PI4K2B: variants seen among roughly 807,000 people sequenced by gnomAD.
PI4K2B encodes phosphatidylinositol 4-kinase type 2 beta.
PI4K2B carries 46 observed loss-of-function variants against 56.6 expected under a neutral mutation model. The observed-to-expected ratio is 0.81, with a 90% CI of 0.64 to 1.04. The LOEUF is 1.04. PI4K2B is among the 50% of genes least tolerant of loss of function. The pLI, the probability that PI4K2B is intolerant of heterozygous loss-of-function variation, is 0.00. For synonymous variants in PI4K2B, 211 were observed against 223.8 expected (o/e 0.94, Z 0.51); for missense variants, 556 against 607.7 (o/e 0.91, Z 0.89).
intron 1 of PI4K2B, among the ~76,000 whole-genome samples, chr4:25,236,477 C>CG (rs1400364600): frequency 6.6e-6 from 1 of 150,674 alleles, no homozygotes; most frequent in Non-Finnish European, 1.5e-5. Flanking sequence ...CTTCTGAACC[C>CG]GAGAGGTGTA....
intron 1 of PI4K2B, among the ~76,000 whole-genome samples, chr4:25,235,641 A>T (rs529061417): frequency 8.3e-4 from 127 of 152,370 alleles, no homozygotes; most frequent in Non-Finnish European, 8.5e-4. Context: ...AAACCAGATC[A>T]CAAACGGGTC....
At chr4:25,243,375 T>G (rs190891425) in intron 1 of PI4K2B, among the ~76,000 whole-genome samples, 23 of 152,332 alleles carry the variant, frequency 1.5e-4, no homozygotes, top group South Asian at 1.2e-3. Context: ...AGCATCCTAG[T>G]AAACCACACT....
intron 9 of PI4K2B, chr4:25,276,676 T>A (rs1717107051): frequency 1.0e-6 from 1 of 984,792 alleles, no homozygotes. Flanking sequence ...AGTTTTTATG[T>A]TAAATTGAAT....
At chr4:25,246,187 G>T (rs1450820688) in intron 1 of PI4K2B, among the ~76,000 whole-genome samples, 1 of 152,052 alleles carries the variant, frequency 6.6e-6, no homozygotes, top group Non-Finnish European at 1.5e-5. Context: ...AAGAGCGAAA[G>T]AACAAAGCTT....
intron 1 of PI4K2B, among the ~76,000 whole-genome samples, chr4:25,243,745 C>T (rs1009294882): frequency 4.6e-5 from 7 of 152,190 alleles, no homozygotes; most frequent in Non-Finnish European, 1.0e-4. Flanking sequence ...GATTTTCTTC[C>T]TTTCCCTGAG....
At chr4:25,268,663 A>G in intron 8 of PI4K2B, 87 bp downstream of exon 8, 1 of 852,036 alleles carries the variant, frequency 1.2e-6, no homozygotes, top group East Asian at 2.7e-5. Context: ...GCAATTTTCT[A>G]TTTCTTGTAT....
intron 4 of PI4K2B, 23 bp downstream of exon 4, chr4:25,256,697 A>G (rs1179118861): frequency 1.2e-6 from 2 of 1,608,628 alleles, no homozygotes; most frequent in Admixed American, 1.7e-5. Flanking sequence ...GATAAGCTGT[A>G]TTTAGAGGGC....
chr4:25,267,654 CAA>C, intron 7 of PI4K2B: 2 of 397,658 alleles, frequency 5.0e-6, no homozygotes, highest in East Asian at 3.2e-4. Flanking sequence ...ATGATCATGT[CAA>C]AAACCTTACA....
At position 25,234,263 on chromosome 4, in the gene PI4K2B, G is replaced by A; in HGVS notation, c.100G>A (p.Ala34Thr). The change falls in exon 1 of 10, where the codon GCC (alanine) becomes ACC (threonine). Residue 34 changes from alanine (A) to threonine (T), a missense_variant. Transcript: ENST00000264864. ...GEREPLLPRI[A>T]WAHPRRGAPG... ...GCGGGAGCCGCTGCTACCGCGGATC[G>A]CCTGGGCCCACCCGCGGAGAGGCGC... 8.4e-6 allele frequency: 12 copies of A among 1,425,692 alleles called. No individual in the cohort carries two copies. Among genetic ancestry groups the A allele is most frequent in the Non-Finnish European group, 1.1e-5 (12 of 1,087,224 alleles). The allele number at this position is 1,425,692 out of a possible 1,614,324, so 88.3% of individuals were successfully genotyped here.
chr4:25,258,175 A>G (rs1390298814), intron 4 of PI4K2B, among the ~76,000 whole-genome samples: 1 of 150,628 alleles, frequency 6.6e-6, no homozygotes, highest in Non-Finnish European at 1.5e-5. Context: ...TTAAAATTTA[A>G]GACTGGGTAT....
chr4:25,240,385 C>G (rs1715464131), intron 1 of PI4K2B, among the ~76,000 whole-genome samples: 2 of 152,156 alleles, frequency 1.3e-5, no homozygotes, highest in Non-Finnish European at 2.9e-5. Flanking sequence ...TTCTTGCAAA[C>G]TGTCTGAAAA....
At position 25,270,428 on chromosome 4, in the gene PI4K2B, C is replaced by T. The variant is rs959308156; in HGVS notation, c.1272+1225C>T. 2.6e-4 allele frequency among the ~76,000 whole-genome samples: 40 copies of T among 152,078 alleles called. 1 individual carries two copies. Among genetic ancestry groups the T allele is most frequent in the Admixed American group, 2.2e-3 (33 of 15,264 alleles). ...TGGTGCGATCTCAGCTCACTTCAAC[C>T]TCTGTCTCCCAGGTTCAAGCGATTC... On this transcript the variant is annotated intron_variant, in intron 9 of 9. Coordinates refer to ENST00000264864, the MANE Select transcript of PI4K2B (RefSeq NM_018323.4).
chr4:25,271,240 A>G (rs1369494813), intron 9 of PI4K2B, among the ~76,000 whole-genome samples: 1 of 152,222 alleles, frequency 6.6e-6, no homozygotes, highest in African/African-American at 2.4e-5. Context: ...TAGATTCCAC[A>G]AGGAAAGGAT....
chr4:25,249,055 A>G (rs1249199540), intron 1 of PI4K2B, among the ~76,000 whole-genome samples: 2 of 152,218 alleles, frequency 1.3e-5, no homozygotes, highest in Non-Finnish European at 2.9e-5. Flanking sequence ...TTAACAAAGC[A>G]CATCTTGCAC....
intron 9 of PI4K2B, among the ~76,000 whole-genome samples, chr4:25,273,057 C>T (rs1228756030): frequency 2.6e-5 from 4 of 151,874 alleles, no homozygotes; most frequent in African/African-American, 7.3e-5. Context: ...TGTAGTAAGC[C>T]GTTAGTTTTA....
rs1717144487 is a variant in PI4K2B, at chr4:25,277,337, C to T, written c.*150C>T. ...TATTTTGAATGTAACCAAAAGTTTA[C>T]AGTTTTTTGTCCAAATATTAAATTT... On this transcript the variant is annotated 3_prime_UTR_variant, in exon 10 of 10. Coordinates refer to ENST00000264864, the MANE Select transcript of PI4K2B (RefSeq NM_018323.4). The T allele has an allele frequency of 9.1e-6, 8 of 880,664 alleles. No individual in the cohort carries two copies. Among genetic ancestry groups the T allele is most frequent in the Non-Finnish European group, 1.3e-5 (8 of 638,030 alleles). 54.6% of individuals were successfully genotyped at this position (880,664 alleles called of 1,614,324 possible). A position where few individuals can be genotyped will look rare whatever the true frequency, so the allele number is the denominator to read the frequency against.
chr4:25,240,060 G>A (rs528444050), intron 1 of PI4K2B, among the ~76,000 whole-genome samples: 1 of 152,340 alleles, frequency 6.6e-6, no homozygotes, highest in South Asian at 2.1e-4. Flanking sequence ...AATTTGACAA[G>A]AAGGTTAAAA....
At chr4:25,262,171 G>GA (rs1716503614) in intron 6 of PI4K2B, among the ~76,000 whole-genome samples, 1 of 152,014 alleles carries the variant, frequency 6.6e-6, no homozygotes. Flanking sequence ...AAAGATAGTA[G>GA]AAAAAGTAAA....
intron 7 of PI4K2B, among the ~76,000 whole-genome samples, chr4:25,267,579 T>C (rs1716712007): frequency 6.6e-6 from 1 of 152,174 alleles, no homozygotes; most frequent in South Asian, 2.1e-4. Flanking sequence ...CTTCAGGGCT[T>C]TCAAAGTGGT....
Sources: allele counts gnomAD v4.1 joint callset (sites outside exome capture counted in the v4.1 genomes callset), GRCh38; gene constraint gnomAD v4.1.1; transcripts MANE v1.5; gene names NCBI Gene and HGNC (gene_info 2026-07-23, HGNC 2026-07-21).